Variants in KLKB1 observed in about 807,000 individuals in gnomAD.
KLKB1 encodes kallikrein B1.
Under a neutral mutation model 73.6 loss-of-function variants are expected in KLKB1, and 58 were observed. That is an observed-to-expected ratio of 0.79 (90% confidence interval 0.64 to 0.98). The LOEUF (loss-of-function observed/expected upper bound fraction) is 0.98. Ranked by LOEUF, KLKB1 falls within the 50% of genes least tolerant of loss-of-function variation. KLKB1 has a pLI of 0.00. For missense variants in KLKB1, 737 were observed against 763.8 expected, an observed-to-expected ratio of 0.96 and a Z score of 0.41; for synonymous variants, 280 against 258.1, an observed-to-expected ratio of 1.08 and a Z score of -0.81.
At chr4:186,241,657 A>G in intron 6 of KLKB1, among the ~76,000 whole-genome samples, 1 of 152,238 alleles carries the variant, frequency 6.6e-6, no homozygotes, top group East Asian at 1.9e-4. Flanking sequence ...ACATATTTTC[A>G]AGCCAAAAGG....
rs1486266732 is a variant in KLKB1, at chr4:186,249,989, ATGG to A, written c.599-248_599-246del. ...TGCTGAGTAATGCAAGCATTTGGCA[ATGG>A]TGGTGACTGGAGCTGGGAGCACAGC... On this transcript the variant is annotated intron_variant, in intron 6 of 14. Transcript: ENST00000264690. Among the ~76,000 whole-genome samples the A allele has an allele frequency of 2.0e-5, 3 of 152,178 alleles. No homozygotes were observed. The East Asian group carries it at 5.8e-4, about 29-fold the overall frequency.
At chr4:186,216,109 T>A (rs1736895941) in intron 2 of KLKB1, among the ~76,000 whole-genome samples, 1 of 152,234 alleles carries the variant, frequency 6.6e-6, no homozygotes, top group Admixed American at 6.5e-5. Flanking sequence ...CATCTAAGAC[T>A]GGCAGGTAAT....
At chr4:186,251,676 C>G in intron 9 of KLKB1, 27 bp downstream of exon 9, 2 of 1,610,922 alleles carry the variant, frequency 1.2e-6, no homozygotes, top group East Asian at 2.2e-5. Flanking sequence ...TTTTCAAAGA[C>G]AGTTGACATG....
At chr4:186,236,379 A>G (rs1737693607) in intron 4 of KLKB1, among the ~76,000 whole-genome samples, 1 of 152,226 alleles carries the variant, frequency 6.6e-6, no homozygotes, top group Non-Finnish European at 1.5e-5. Context: ...AAGCTCTTTC[A>G]TTCAATGCGA....
At chr4:186,240,333 A>G (rs1280871524) in intron 6 of KLKB1, among the ~76,000 whole-genome samples, 2 of 152,040 alleles carry the variant, frequency 1.3e-5, no homozygotes, top group African/African-American at 4.8e-5. Context: ...TGTTACAGTT[A>G]TAGGTACAGT....
upstream of KLKB1, among the ~76,000 whole-genome samples, chr4:186,223,979 G>A (rs1737087870): frequency 6.6e-6 from 1 of 152,206 alleles, no homozygotes; most frequent in Non-Finnish European, 1.5e-5. Context: ...GGGACTTGGT[G>A]CCCTGTGCCC....
intron 6 of KLKB1, among the ~76,000 whole-genome samples, chr4:186,244,919 G>A (rs1738249435): frequency 6.6e-6 from 1 of 152,132 alleles, no homozygotes; most frequent in Non-Finnish European, 1.5e-5. Flanking sequence ...TGCACGATAG[G>A]TTGCCAAGGA....
At chr4:186,217,111 AG>A (rs1736923681) in intron 2 of KLKB1, among the ~76,000 whole-genome samples, 1 of 152,182 alleles carries the variant, frequency 6.6e-6, no homozygotes, top group South Asian at 2.1e-4. Flanking sequence ...GAATCTACAG[AG>A]GTTTTTTTAG....
chr4:186,255,684 C>T (rs4253322), intron 12 of KLKB1, among the ~76,000 whole-genome samples: 69 of 152,292 alleles, frequency 4.5e-4, no homozygotes, highest in Admixed American at 1.2e-3. Flanking sequence ...TGAAGATACC[C>T]TGCTATGACT....
chr4:186,225,583 C>T (rs563748501), upstream of KLKB1, among the ~76,000 whole-genome samples: 399 of 152,026 alleles, frequency 2.6e-3, 3 homozygotes, highest in Middle Eastern at 0.048. Context: ...AGGTGCCCAC[C>T]ACCACGCCTG....
upstream of KLKB1, among the ~76,000 whole-genome samples, chr4:186,223,594 T>A (rs1277189511): frequency 6.6e-6 from 1 of 152,154 alleles, no homozygotes; most frequent in East Asian, 1.9e-4. Context: ...AGGGTATCTG[T>A]CAGAATAAAT....
chr4:186,246,326 T>C (rs1200956620), intron 6 of KLKB1, among the ~76,000 whole-genome samples: 4 of 151,492 alleles, frequency 2.6e-5, no homozygotes, highest in Non-Finnish European at 5.9e-5. Context: ...TGGGTTGGGA[T>C]TGAGGGGACA....
intron 6 of KLKB1, among the ~76,000 whole-genome samples, chr4:186,243,362 T>A (rs1297308687): frequency 6.6e-6 from 1 of 152,202 alleles, no homozygotes; most frequent in African/African-American, 2.4e-5. Flanking sequence ...ATATTTTCCT[T>A]GGTCCAAGAA....
Position 186,254,654 on chromosome 4 carries a change from T to A in KLKB1, c.1380T>A (p.Asp460Glu), listed in dbSNP as rs1477405267. The A allele has an allele frequency of 6.2e-7, 1 of 1,613,680 alleles. No homozygotes were observed. Among genetic ancestry groups the A allele is most frequent in the Admixed American group, 1.7e-5 (1 of 60,024 alleles). ...TAAATCTGTCAGACATTACAAAAGA[T>A]ACACCTTTCTCACAAATAAAAGAGA... ...GILNLSDITK[D>E]TPFSQIKEII... Residue 460 changes from aspartate to glutamate, a missense_variant, in exon 12 of 15, where the codon GAT becomes GAA. By Grantham distance (45) the Asp-to-Glu change is conservative (BLOSUM62 2). Coordinates refer to ENST00000264690, the MANE Select transcript of KLKB1 (RefSeq NM_000892.5).
chr4:186,233,961 C>T lies in KLKB1; in HGVS notation c.231C>T (p.Cys77=), dbSNP rs200544250. 67 of 1,612,684 alleles carry T rather than the reference C, an allele frequency of 4.2e-5. No individual in the cohort carries two copies. The Middle Eastern group carries it at 4.9e-4, about 12-fold the overall frequency. ...GCTACTTTTAAAATAGGTTTGGTTG[C>T]TTCTTGAAAGATAGTGTTACAGGAA... The part of the protein sequence containing the change: ...SINDMEKRFG[C]FLKDSVTGTL... Residue 77 remains cysteine, a synonymous_variant, in exon 4 of 15, where the codon TGC becomes TGT. Transcript: ENST00000264690.
At chr4:186,225,182 A>G (rs1162871272), upstream of KLKB1, among the ~76,000 whole-genome samples, 4 of 152,172 alleles carry the variant, frequency 2.6e-5, no homozygotes, top group Non-Finnish European at 5.9e-5. Flanking sequence ...AAACTGGACT[A>G]ATACATCTGG....
chr4:186,240,037 A>G (rs1177223133), intron 6 of KLKB1, among the ~76,000 whole-genome samples: 1 of 150,404 alleles, frequency 6.6e-6, no homozygotes, highest in African/African-American at 2.4e-5. Context: ...TGATACTGTT[A>G]TAGTTGTAGG....
chr4:186,242,563 G>T (rs1384073044), intron 6 of KLKB1, among the ~76,000 whole-genome samples: 1 of 152,190 alleles, frequency 6.6e-6, no homozygotes, highest in Non-Finnish European at 1.5e-5. Context: ...AGAATGATTG[G>T]TGATGGCCTG....
At chr4:186,224,069 G>A (rs1175339386), upstream of KLKB1, among the ~76,000 whole-genome samples, 1 of 152,264 alleles carries the variant, frequency 6.6e-6, no homozygotes, top group Non-Finnish European at 1.5e-5. Flanking sequence ...CCAAGCCTTG[G>A]TGGCTTCCAC....
Sources: allele counts gnomAD v4.1 joint callset (sites outside exome capture counted in the v4.1 genomes callset), GRCh38; gene constraint gnomAD v4.1.1; transcripts MANE v1.5; gene names NCBI Gene and HGNC (gene_info 2026-07-23, HGNC 2026-07-21).